The following GTF2E1 variants were observed in gnomAD, a reference collection of about 807,000 sequenced individuals.
The protein encoded by GTF2E1 is general transcription factor IIE subunit 1.
In GTF2E1, 14 loss-of-function variants were observed where a neutral mutation model predicts 34.9. That is an observed-to-expected ratio of 0.40 (90% CI 0.27 to 0.63). The LOEUF is 0.63. GTF2E1 is among the 20% of genes least tolerant of loss of function. The probability of loss-of-function intolerance (pLI) is 0.39; values close to 1 mark genes in which losing one functional copy is unlikely to be tolerated. For synonymous variants in GTF2E1, 188 were observed against 192.9 expected, an observed-to-expected ratio of 0.97 and a Z score of 0.21; for missense variants, 469 against 557.7, an observed-to-expected ratio of 0.84 and a Z score of 1.60.
At chr3:120,761,679 C>T (rs1709264651) in intron 2 of GTF2E1, among the ~76,000 whole-genome samples, 1 of 152,074 alleles carries the variant, frequency 6.6e-6, no homozygotes. Flanking sequence ...TCATTATTTA[C>T]CCAGTAGTCA....
intron 4 of GTF2E1, among the ~76,000 whole-genome samples, chr3:120,777,859 G>A (rs1709414708): frequency 6.6e-6 from 1 of 152,184 alleles, no homozygotes; most frequent in Admixed American, 6.5e-5. Context: ...CTGAGTAGCT[G>A]GAATTGGGCG....
intron 2 of GTF2E1, 135 bp downstream of exon 2, chr3:120,751,135 A>C: frequency 1.6e-6 from 1 of 623,842 alleles, no homozygotes; most frequent in Non-Finnish European, 2.7e-6. Flanking sequence ...CACAGCATAC[A>C]GTCAGTCTTA....
intron 2 of GTF2E1, among the ~76,000 whole-genome samples, chr3:120,762,588 T>A (rs1276596416): frequency 6.6e-6 from 1 of 152,220 alleles, no homozygotes; most frequent in Non-Finnish European, 1.5e-5. Context: ...AGAACACTTA[T>A]TATGTTGGGT....
intron 2 of GTF2E1, among the ~76,000 whole-genome samples, chr3:120,766,864 GTCC>G (rs1709314222): frequency 6.6e-6 from 1 of 151,976 alleles, no homozygotes; most frequent in Non-Finnish European, 1.5e-5. Context: ...GGGTTTCCGT[GTCC>G]TCCTGCCCCT....
intron 1 of GTF2E1, among the ~76,000 whole-genome samples, chr3:120,743,482 A>G (rs1709076182): frequency 1.3e-5 from 2 of 152,148 alleles, no homozygotes; most frequent in Admixed American, 1.3e-4. Flanking sequence ...AGACATATGG[A>G]AAGTTTTATG....
chr3:120,746,205 G>A (rs1709103609), intron 1 of GTF2E1, among the ~76,000 whole-genome samples: 1 of 152,086 alleles, frequency 6.6e-6, no homozygotes, highest in Non-Finnish European at 1.5e-5. Flanking sequence ...TCAAATAAAA[G>A]GGTTAGTTGA....
rs775982098 is a variant in GTF2E1, at chr3:120,770,724, G to C, written c.449-4G>C. The C allele has an allele frequency of 8.1e-6, 13 of 1,610,822 alleles. No individual in the cohort carries two copies. Among genetic ancestry groups the C allele is most frequent in the Non-Finnish European group, 1.1e-5 (13 of 1,177,290 alleles). On this transcript the variant is annotated splice_region_variant and splice_polypyrimidine_tract_variant and intron_variant, in intron 2 of 4. Transcript: ENST00000283875. ...CTGACCTGAGATACTTGTTTTCTCTGTAGGAACTTTCCGCTGTACTTTTTG... is the reference window on the plus strand; with the variant it reads ...CTGACCTGAGATACTTGTTTTCTCTCTAGGAACTTTCCGCTGTACTTTTTG...
rs1709345864 is a variant in GTF2E1, at chr3:120,770,947, G to A, written c.650+18G>A. 1.3e-6 allele frequency: 2 copies of A among 1,599,948 alleles called. No individual in the cohort carries two copies. The highest frequency in any genetic ancestry group is 1.7e-6 in the Non-Finnish European group (2 of 1,167,218). ...AAACAGAGGTGAGTGTAGGCCCTGTGCTCTTACTAAGAACACATTTCAACC... is the reference window on the plus strand; with the variant it reads ...AAACAGAGGTGAGTGTAGGCCCTGTACTCTTACTAAGAACACATTTCAACC... On this transcript the variant is annotated intron_variant, in intron 3 of 4. Transcript: ENST00000283875.
chr3:120,773,515 A>AAGAATTGAT (rs1709369600), intron 3 of GTF2E1, among the ~76,000 whole-genome samples: 1 of 152,164 alleles, frequency 6.6e-6, no homozygotes, highest in Admixed American at 6.6e-5. Flanking sequence ...GGCCTAACCC[A>AAGAATTGAT]AGAATTGATG....
intron 1 of GTF2E1, among the ~76,000 whole-genome samples, chr3:120,745,115 T>C (rs1423615370): frequency 6.6e-6 from 1 of 152,182 alleles, no homozygotes; most frequent in Non-Finnish European, 1.5e-5. Flanking sequence ...TTTCCTAGGC[T>C]TGTCTTCAAC....
At chr3:120,755,233 T>C (rs976062921) in intron 2 of GTF2E1, among the ~76,000 whole-genome samples, 1 of 152,196 alleles carries the variant, frequency 6.6e-6, no homozygotes, top group African/African-American at 2.4e-5. Context: ...CATATGTAAG[T>C]TTGGAGTTAA....
intron 2 of GTF2E1, among the ~76,000 whole-genome samples, chr3:120,759,825 T>C (rs1709242537): frequency 6.6e-6 from 1 of 152,260 alleles, no homozygotes; most frequent in African/African-American, 2.4e-5. Context: ...AGTAACGTGC[T>C]GTTTTGGTTA....
intron 4 of GTF2E1, among the ~76,000 whole-genome samples, chr3:120,779,865 A>G (rs1416628895): frequency 6.6e-6 from 1 of 152,268 alleles, no homozygotes; most frequent in East Asian, 1.9e-4. Flanking sequence ...TAGGATTTGA[A>G]TCAGGGAGTC....
chr3:120,773,776 C>T (rs1201922259), intron 3 of GTF2E1, among the ~76,000 whole-genome samples: 1 of 151,960 alleles, frequency 6.6e-6, no homozygotes, highest in Non-Finnish European at 1.5e-5. Context: ...TCATTTTTGT[C>T]ATCTTCAATT....
intron 2 of GTF2E1, among the ~76,000 whole-genome samples, chr3:120,761,861 G>T (rs1709266657): frequency 6.7e-6 from 1 of 150,166 alleles, no homozygotes; most frequent in Non-Finnish European, 1.5e-5. Flanking sequence ...CGTGATCTCG[G>T]CTCACTGCAA....
intron 1 of GTF2E1, among the ~76,000 whole-genome samples, chr3:120,750,253 CTT>C (rs1380529054): frequency 6.6e-6 from 1 of 152,104 alleles, no homozygotes; most frequent in Non-Finnish European, 1.5e-5. Flanking sequence ...GTAAAGTAGA[CTT>C]GACGTAATAT....
intron 1 of GTF2E1, among the ~76,000 whole-genome samples, chr3:120,744,238 C>G (rs1377330404): frequency 1.3e-5 from 2 of 152,152 alleles, no homozygotes; most frequent in African/African-American, 4.8e-5. Context: ...TTGGGTGATA[C>G]AATGCGTGGG....
chr3:120,766,949 A>G (rs1240020284), intron 2 of GTF2E1, among the ~76,000 whole-genome samples: 3 of 152,168 alleles, frequency 2.0e-5, no homozygotes, highest in Non-Finnish European at 2.9e-5. Context: ...TGTATAAAAA[A>G]TGCTGCTGGT....
In GTF2E1 at chr3:120,781,668, C is replaced by A. The variant is rs1341484131; in HGVS notation, c.*198C>A. ...AAGGTAGGGTGCTGAGAATCCTACCCTTCCTTGCTGTCACTACAGTATTAA... is the reference window on the plus strand; with the variant it reads ...AAGGTAGGGTGCTGAGAATCCTACCATTCCTTGCTGTCACTACAGTATTAA... On this transcript the variant is annotated 3_prime_UTR_variant, in exon 5 of 5. Coordinates refer to ENST00000283875, the MANE Select transcript of GTF2E1 (RefSeq NM_005513.3). The A allele has an allele frequency of 1.0e-5, 6 of 580,180 alleles. No individual in the cohort carries two copies. The Admixed American group carries it at 1.8e-4, about 17-fold the overall frequency. 35.9% of individuals were successfully genotyped at this position (580,180 alleles called of 1,614,324 possible). A position where few individuals can be genotyped will look rare whatever the true frequency, so the allele number is the denominator to read the frequency against.
Sources: gnomAD v4.1 joint callset for allele counts (sites outside exome capture counted in the v4.1 genomes callset) on GRCh38, gnomAD v4.1.1 for gene constraint, MANE v1.5 for transcripts, NCBI Gene and HGNC (gene_info 2026-07-23, HGNC 2026-07-21) for gene names.